RAB38: variants seen among roughly 807,000 people sequenced by gnomAD.
RAB38 encodes RAB38, member RAS oncogene family.
Under a neutral mutation model 18.4 loss-of-function variants are expected in RAB38, and 15 were observed. That is an observed-to-expected ratio of 0.82 (90% CI 0.55 to 1.26). RAB38 has a LOEUF of 1.26. Among genes scored for constraint, RAB38 ranks in the 50% most tolerant of loss-of-function variants. The probability of loss-of-function intolerance (pLI) is 0.00; values close to 1 mark genes in which losing one functional copy is unlikely to be tolerated. For synonymous variants in RAB38, 101 were observed against 104.4 expected, an observed-to-expected ratio of 0.97 and a Z score of 0.20; for missense variants, 294 against 267.4, an observed-to-expected ratio of 1.10 and a Z score of -0.69.
chr11:88,051,594 G>A, the RAB38 span, among the ~76,000 whole-genome samples: 2 of 151,318 alleles, frequency 1.3e-5, no homozygotes, highest in Non-Finnish European at 2.9e-5. Flanking sequence ...TCAAAAATTA[G>A]TCATCATGTG....
At chr11:87,819,901 C>T in the RAB38 span, among the ~76,000 whole-genome samples, 2 of 151,686 alleles carry the variant, frequency 1.3e-5, no homozygotes, top group Admixed American at 6.6e-5. Context: ...GAAAGAAACA[C>T]AAGCAAATAT....
the RAB38 span, among the ~76,000 whole-genome samples, chr11:87,935,907 G>C: frequency 6.6e-6 from 1 of 151,996 alleles, no homozygotes; most frequent in Non-Finnish European, 1.5e-5. Flanking sequence ...AATAGCTAAT[G>C]ATGTTTTATA....
the RAB38 span, among the ~76,000 whole-genome samples, chr11:87,960,252 G>A: frequency 6.6e-6 from 1 of 152,068 alleles, no homozygotes; most frequent in Non-Finnish European, 1.5e-5. Context: ...TCTGATCAAG[G>A]AGGTCTTGGG....
chr11:88,104,781 G>A, the RAB38 span, among the ~76,000 whole-genome samples: 6 of 151,974 alleles, frequency 3.9e-5, no homozygotes, highest in Admixed American at 3.9e-4. Flanking sequence ...TTCTTTTTGT[G>A]GTTAGGGCCA....
At chr11:87,887,868 A>T in the RAB38 span, among the ~76,000 whole-genome samples, 1 of 151,970 alleles carries the variant, frequency 6.6e-6, no homozygotes, top group Non-Finnish European at 1.5e-5. Context: ...TGTAATAACA[A>T]TATAAGAAAA....
At chr11:88,006,167 A>G in the RAB38 span, among the ~76,000 whole-genome samples, 1 of 19,810 alleles carries the variant, frequency 5.0e-5, no homozygotes, top group East Asian at 2.5e-3. Context: ...CAACAGAAAT[A>G]AAAAAAAAAA....
chr11:88,145,165 T>G (rs1160398033), intron 2 of RAB38, among the ~76,000 whole-genome samples: 1 of 151,192 alleles, frequency 6.6e-6, no homozygotes, highest in Non-Finnish European at 1.5e-5. Context: ...TTTTTGTGGG[T>G]AGGGATGGAG....
At chr11:87,926,012 T>A in the RAB38 span, among the ~76,000 whole-genome samples, 3 of 151,910 alleles carry the variant, frequency 2.0e-5, no homozygotes, top group Non-Finnish European at 2.9e-5. Context: ...AATGCCCCTC[T>A]ACCTCTACCA....
At chr11:87,974,863 T>C in the RAB38 span, among the ~76,000 whole-genome samples, 1 of 151,822 alleles carries the variant, frequency 6.6e-6, no homozygotes, top group South Asian at 2.1e-4. Flanking sequence ...AACAAAACTC[T>C]TTAGAGCAAC....
the RAB38 span, among the ~76,000 whole-genome samples, chr11:88,105,758 G>A: frequency 2.6e-5 from 4 of 152,124 alleles, no homozygotes; most frequent in African/African-American, 9.7e-5. Flanking sequence ...TGTCACTTGA[G>A]CCACGAAGAA....
At chr11:87,820,617 A>C in the RAB38 span, among the ~76,000 whole-genome samples, 2 of 152,204 alleles carry the variant, frequency 1.3e-5, no homozygotes, top group Non-Finnish European at 2.9e-5. Context: ...ATTTTCATGC[A>C]TGAAACTCTA....
At chr11:87,900,272 G>C in the RAB38 span, among the ~76,000 whole-genome samples, 1 of 151,466 alleles carries the variant, frequency 6.6e-6, no homozygotes, top group Admixed American at 6.6e-5. Flanking sequence ...GCCAAGATCT[G>C]AGAGAAAAAC....
At chr11:88,026,562 CAAAAAAAAAAAA>C in the RAB38 span, among the ~76,000 whole-genome samples, 1 of 54,252 alleles carries the variant, frequency 1.8e-5, no homozygotes, top group Non-Finnish European at 3.4e-5. Flanking sequence ...GACTCTGTCA[CAAAAAAAAAAAA>C]AAAAAAAAAA....
At chr11:87,924,040 C>A in the RAB38 span, among the ~76,000 whole-genome samples, 10 of 151,450 alleles carry the variant, frequency 6.6e-5, no homozygotes, top group Admixed American at 6.6e-4. Flanking sequence ...CAGACACACA[C>A]ACACACACAC....
At chr11:88,065,148 G>A in the RAB38 span, among the ~76,000 whole-genome samples, 2 of 152,318 alleles carry the variant, frequency 1.3e-5, no homozygotes, top group African/African-American at 2.4e-5. Flanking sequence ...GGAAAGCTTG[G>A]TGTTCATCTT....
the RAB38 span, among the ~76,000 whole-genome samples, chr11:87,904,027 T>C: frequency 6.6e-6 from 1 of 151,742 alleles, no homozygotes; most frequent in South Asian, 2.1e-4. Context: ...TTTTATGGAA[T>C]TGTGGTTTTA....
At chr11:87,939,032 C>G in the RAB38 span, among the ~76,000 whole-genome samples, 6 of 152,072 alleles carry the variant, frequency 3.9e-5, no homozygotes, top group South Asian at 6.2e-4. Flanking sequence ...TGCCAGATAA[C>G]GAATACTATC....
chr11:87,971,726 G>A, the RAB38 span, among the ~76,000 whole-genome samples: 1 of 152,066 alleles, frequency 6.6e-6, no homozygotes, highest in African/African-American at 2.4e-5. Context: ...GTGGGAACAA[G>A]ATATTGTTGG....
At position 88,175,290 on chromosome 11, in the gene RAB38, T is replaced by C. The variant is rs1399459694; in HGVS notation, c.95A>G (p.Gln32Arg). ...KTSIIKRYVH[Q>R]NFSSHYRATI... ...GGCCCGGTAGTGCGAAGAGAAGTTC[T>C]GGTGCACGTAGCGCTTGATGATACT... Residue 32 changes from glutamine (Q) to arginine (R), a missense_variant, in exon 1 of 3, where the codon CAG (glutamine) becomes CGG (arginine). Gln to Arg is a conservative substitution (Grantham distance 43). Coordinates refer to ENST00000243662, the MANE Select transcript of RAB38 (RefSeq NM_022337.3). The C allele has an allele frequency of 1.2e-5, 20 of 1,614,102 alleles. No homozygotes were observed. Among genetic ancestry groups the C allele is most frequent in the Admixed American group, 1.7e-5 (1 of 60,014 alleles).
Sources: allele counts gnomAD v4.1 joint callset (sites outside exome capture counted in the v4.1 genomes callset), GRCh38; gene constraint gnomAD v4.1.1; transcripts MANE v1.5; gene names NCBI Gene and HGNC (gene_info 2026-07-23, HGNC 2026-07-21).